KCND3: variants seen among roughly 807,000 people sequenced by gnomAD.
KCND3 encodes potassium voltage-gated channel subfamily D member 3, also known as A-type voltage-gated potassium channel KCND3.
A neutral mutation model predicts 51.1 loss-of-function variants in KCND3; 9 were observed. The observed-to-expected ratio is 0.18, with a 90% CI of 0.11 to 0.31. The LOEUF is 0.31. KCND3 is among the 10% of genes least tolerant of loss of function. KCND3 has a pLI of 1.00. For missense variants in KCND3, 526 were observed against 903.8 expected (o/e 0.58, Z 5.36); for synonymous variants, 349 against 368.0 (o/e 0.95, Z 0.59).
intron 2 of KCND3, among the ~76,000 whole-genome samples, chr1:111,859,955 C>G (rs1433415291): frequency 2.0e-5 from 3 of 152,178 alleles, no homozygotes; most frequent in African/African-American, 7.2e-5. Context: ...CTTTCCCTGA[C>G]CTTTAACGCT....
At chr1:111,922,470 A>G (rs1336441525) in intron 2 of KCND3, among the ~76,000 whole-genome samples, 2 of 152,240 alleles carry the variant, frequency 1.3e-5, no homozygotes, top group African/African-American at 4.8e-5. Flanking sequence ...GGAGTACAGT[A>G]CAGCATTTAA....
intron 2 of KCND3, among the ~76,000 whole-genome samples, chr1:111,842,292 G>A (rs917719913): frequency 5.3e-5 from 8 of 152,186 alleles, no homozygotes; most frequent in Non-Finnish European, 7.4e-5. Flanking sequence ...CACCCTGAGC[G>A]GGCCATGCTG....
At chr1:111,985,076 C>A (rs1223153181) in intron 1 of KCND3, among the ~76,000 whole-genome samples, 1 of 152,182 alleles carries the variant, frequency 6.6e-6, no homozygotes, top group Admixed American at 6.5e-5. Context: ...ACCCTCACAG[C>A]AACCCTAGGA....
At position 111,815,173 on chromosome 1, in the gene KCND3, C is replaced by G. The variant is rs115158589; in HGVS notation, c.1107-28067G>C. Among the ~76,000 whole-genome samples, 309 of 152,110 alleles carry G rather than the reference C, an allele frequency of 2.0e-3. 3 individuals carry two copies. Among genetic ancestry groups the G allele is most frequent in the African/African-American group, 6.8e-3 (282 of 41,508 alleles). On this transcript the variant is annotated intron_variant, in intron 2 of 7. Transcript: ENST00000302127. ...GACTAGAATCTATGGGGCATCCAGGCAAACTGAGTCCTGACTTCTGTGTGC... is the reference window on the plus strand; with the variant it reads ...GACTAGAATCTATGGGGCATCCAGGGAAACTGAGTCCTGACTTCTGTGTGC...
At chr1:111,842,180 G>A (rs192686074) in intron 2 of KCND3, among the ~76,000 whole-genome samples, 72 of 152,258 alleles carry the variant, frequency 4.7e-4, no homozygotes, top group Non-Finnish European at 7.6e-4. Flanking sequence ...CACGGCATTC[G>A]CAGGGGACAG....
chr1:111,815,698 G>T (rs1208374922), intron 2 of KCND3, among the ~76,000 whole-genome samples: 1 of 151,696 alleles, frequency 6.6e-6, no homozygotes, highest in African/African-American at 2.4e-5. Context: ...ACTGAGCCCA[G>T]TTCTATATTG....
chr1:111,932,719 G>T (rs906801396), intron 2 of KCND3, among the ~76,000 whole-genome samples: 1 of 152,192 alleles, frequency 6.6e-6, no homozygotes, highest in East Asian at 1.9e-4. Context: ...CAACAACTCC[G>T]TGCTACTGAT....
intron 2 of KCND3, among the ~76,000 whole-genome samples, chr1:111,866,263 C>CTTTTTTTTTTTTTTTTTTTTTTTTCTT (rs11399761): frequency 3.7e-5 from 2 of 54,222 alleles, no homozygotes; most frequent in Admixed American, 2.0e-4. Context: ...CTTTTCTTTT[C>CTTTTTTTTTTTTTTTTTTTTTTTTCTT]TTTTTTTTTT....
rs146238920 is a variant in KCND3, at chr1:111,830,298, G to A, written c.1107-43192C>T. Reference sequence around the variant, plus strand: ...CTCATAGCCTTCCAGATAAAGGCCTGTTTCTTCATGCAGCATAAAAGGCTT... The same window carrying A: ...CTCATAGCCTTCCAGATAAAGGCCTATTTCTTCATGCAGCATAAAAGGCTT... On this transcript the variant is annotated intron_variant, in intron 2 of 7. Coordinates refer to ENST00000302127, the MANE Select transcript of KCND3 (RefSeq NM_001378969.1). Among the ~76,000 whole-genome samples, 243 of 152,318 alleles carry A rather than the reference G, an allele frequency of 1.6e-3. 1 individual carries two copies. Among genetic ancestry groups the A allele is most frequent in the African/African-American group, 5.5e-3 (227 of 41,572 alleles).
chr1:111,945,890 G>C (rs1409575525), intron 2 of KCND3, among the ~76,000 whole-genome samples: 1 of 152,226 alleles, frequency 6.6e-6, no homozygotes, highest in Non-Finnish European at 1.5e-5. Flanking sequence ...GGTGCAAGGA[G>C]CATGGGCTTT....
At chr1:111,838,438 A>G (rs1291796460) in intron 2 of KCND3, among the ~76,000 whole-genome samples, 1 of 152,188 alleles carries the variant, frequency 6.6e-6, no homozygotes, top group African/African-American at 2.4e-5. Context: ...CGGGCGGATC[A>G]CGAGGTCAGG....
intron 2 of KCND3, among the ~76,000 whole-genome samples, chr1:111,882,307 C>A (rs1224867899): frequency 6.6e-6 from 1 of 152,202 alleles, no homozygotes; most frequent in African/African-American, 2.4e-5. Context: ...GTACCGACTA[C>A]AAATATGCTC....
Position 111,940,058 on chromosome 1 carries a change from G to A in KCND3, c.1106+41563C>T, listed in dbSNP as rs184218304. On this transcript the variant is annotated intron_variant, in intron 2 of 7. Transcript: ENST00000302127. ...TGAGAAGTGTCTCTTTATATCCTTC[G>A]CCTACTTTTTGATGGTTTTTTTTTT... 3.9e-3 allele frequency among the ~76,000 whole-genome samples: 491 copies of A among 126,512 alleles called. 2 individuals carry two copies. Among genetic ancestry groups the A allele is most frequent in the African/African-American group, 0.014 (465 of 33,960 alleles). The allele number at this position is 126,512 out of a possible 152,430, so 83.0% of individuals were successfully genotyped here. A position where few individuals can be genotyped will look rare whatever the true frequency, so the allele number is the denominator to read the frequency against.
chr1:111,833,138 C>T (rs577591683), intron 2 of KCND3, among the ~76,000 whole-genome samples: 1 of 152,388 alleles, frequency 6.6e-6, no homozygotes, highest in African/African-American at 2.4e-5. Context: ...TTTGACATCT[C>T]TGTGCTTTGC....
At chr1:111,880,776 C>T (rs568358760) in intron 2 of KCND3, among the ~76,000 whole-genome samples, 2 of 152,318 alleles carry the variant, frequency 1.3e-5, no homozygotes, top group South Asian at 2.1e-4. Context: ...GTGAATGTTT[C>T]GTTGCACATT....
chr1:111,877,177 CATTT>C (rs953645320), intron 2 of KCND3, among the ~76,000 whole-genome samples: 45 of 152,228 alleles, frequency 3.0e-4, no homozygotes, highest in Admixed American at 7.8e-4. Flanking sequence ...CCAAAAATCT[CATTT>C]ATTTAAGTGA....
intron 2 of KCND3, among the ~76,000 whole-genome samples, chr1:111,846,892 G>C (rs1206516221): frequency 6.6e-6 from 1 of 152,166 alleles, no homozygotes; most frequent in African/African-American, 2.4e-5. Flanking sequence ...ATTCAGGTTT[G>C]AACGCAGGCC....
intron 2 of KCND3, among the ~76,000 whole-genome samples, chr1:111,958,871 C>T (rs964046735): frequency 3.3e-5 from 5 of 152,180 alleles, no homozygotes; most frequent in African/African-American, 1.2e-4. Context: ...GGTGGGGGAA[C>T]AAAATCTCTC....
At chr1:111,853,991 T>C (rs1667943803) in intron 2 of KCND3, 1 of 152,232 alleles carries the variant, frequency 6.6e-6, no homozygotes, top group Admixed American at 6.5e-5. Context: ...GTGGTTCATA[T>C]AAGGTAGATG....
Sources: allele counts gnomAD v4.1 joint callset (sites outside exome capture counted in the v4.1 genomes callset), GRCh38; gene constraint gnomAD v4.1.1; transcripts MANE v1.5; gene names NCBI Gene and HGNC (gene_info 2026-07-23, HGNC 2026-07-21).